The following IL1RAPL1 variants were observed in gnomAD, a reference collection of about 807,000 sequenced individuals.
IL1RAPL1 encodes interleukin 1 receptor accessory protein like 1.
In IL1RAPL1, 3 loss-of-function variants were observed where a neutral mutation model predicts 48.4. The observed-to-expected ratio is 0.06, with a 90% confidence interval of 0.03 to 0.16. The LOEUF (loss-of-function observed/expected upper bound fraction) is 0.16. Among genes scored for constraint, IL1RAPL1 ranks in the 10% least tolerant of loss-of-function variants. The pLI is 1.00. For missense variants in IL1RAPL1, 349 were observed against 530.6 expected (o/e 0.66, Z 3.36); for synonymous variants, 185 against 187.7 (o/e 0.99, Z 0.12).
At chrX:29,779,877 T>G (rs749103709) in intron 6 of IL1RAPL1, among the ~76,000 whole-genome samples, 6 of 111,520 alleles carry the variant, frequency 5.4e-5, no homozygotes, top group African/African-American at 6.5e-5. Flanking sequence ...TAAAGACATT[T>G]AGAATGCCTT....
intron 2 of IL1RAPL1, among the ~76,000 whole-genome samples, chrX:28,900,616 A>G (rs1923049388): frequency 1.8e-5 from 2 of 112,523 alleles, no homozygotes; most frequent in Non-Finnish European, 3.8e-5. Flanking sequence ...CAATGTTTTA[A>G]AAGTATCAAA....
At chrX:29,231,422 A>T (rs1185213634) in intron 2 of IL1RAPL1, among the ~76,000 whole-genome samples, 1 of 111,875 alleles carries the variant, frequency 8.9e-6, no homozygotes, top group East Asian at 2.8e-4. Context: ...TGGCAAATTA[A>T]CGACTGAGTG....
intron 5 of IL1RAPL1, among the ~76,000 whole-genome samples, chrX:29,455,967 C>T (rs191994992): frequency 9.0e-6 from 1 of 110,990 alleles, no homozygotes; most frequent in Non-Finnish European, 1.9e-5. Flanking sequence ...GCACATTATC[C>T]TTTGAAAGGC....
chrX:29,925,416 T>TTTTTTG (rs1932879428), intron 8 of IL1RAPL1, among the ~76,000 whole-genome samples: 1 of 17,744 alleles, frequency 5.6e-5, no homozygotes, highest in Non-Finnish European at 1.1e-4. Flanking sequence ...GTAACTGTTT[T>TTTTTTG]TTTTTTTTTT....
chrX:28,962,508 A>G (rs1924806111), intron 2 of IL1RAPL1, among the ~76,000 whole-genome samples: 1 of 111,486 alleles, frequency 9.0e-6, no homozygotes, highest in Non-Finnish European at 1.9e-5. Flanking sequence ...TCTCCCAAAA[A>G]TTACATTTGA....
At chrX:29,780,633 T>C (rs1929316642) in intron 6 of IL1RAPL1, among the ~76,000 whole-genome samples, 1 of 111,387 alleles carries the variant, frequency 9.0e-6, no homozygotes, top group African/African-American at 3.3e-5. Context: ...GGCAGCATAA[T>C]AGCTGAGCTA....
At chrX:28,981,056 A>ACTCCAGC (rs1925319837) in intron 2 of IL1RAPL1, among the ~76,000 whole-genome samples, 1 of 86,852 alleles carries the variant, frequency 1.2e-5, no homozygotes, top group Non-Finnish European at 2.1e-5. Context: ...GTGCCACTGC[A>ACTCCAGC]CTCCAGCCTG....
intron 2 of IL1RAPL1, among the ~76,000 whole-genome samples, chrX:29,025,820 G>A (rs952919506): frequency 9.0e-6 from 1 of 111,323 alleles, no homozygotes. Flanking sequence ...CTAAATTATG[G>A]AATAATAGCG....
At chrX:29,494,729 A>T (rs763821214) in intron 5 of IL1RAPL1, among the ~76,000 whole-genome samples, 1 of 112,339 alleles carries the variant, frequency 8.9e-6, no homozygotes, top group Non-Finnish European at 1.9e-5. Flanking sequence ...AGATAGCCAT[A>T]TGGCTCTAAA....
At chrX:29,228,332 A>AATGTGTGT (rs777963523) in intron 2 of IL1RAPL1, among the ~76,000 whole-genome samples, 5,263 of 79,421 alleles carry the variant, frequency 0.066, 268 homozygotes, top group African/African-American at 0.076. Context: ...AGTTTTGCCT[A>AATGTGTGT]GTGTGTGTGT....
intron 1 of IL1RAPL1, among the ~76,000 whole-genome samples, chrX:28,722,719 G>C (rs1935601832): frequency 9.0e-6 from 1 of 111,632 alleles, no homozygotes; most frequent in Non-Finnish European, 1.9e-5. Flanking sequence ...TATGATATTG[G>C]CTGTGGGTTT....
chrX:29,108,621 G>C (rs892900838), intron 2 of IL1RAPL1, among the ~76,000 whole-genome samples: 7 of 110,556 alleles, frequency 6.3e-5, no homozygotes, highest in African/African-American at 6.6e-5. Context: ...GGCTGGTCTC[G>C]AACTCCAGAC....
intron 2 of IL1RAPL1, among the ~76,000 whole-genome samples, chrX:28,897,303 C>T (rs1316148813): frequency 9.0e-6 from 1 of 111,460 alleles, no homozygotes; most frequent in Non-Finnish European, 1.9e-5. Flanking sequence ...GGCCAGAGAC[C>T]TCTGAAACGT....
intron 5 of IL1RAPL1, among the ~76,000 whole-genome samples, chrX:29,548,536 A>G (rs1022994834): frequency 8.9e-6 from 1 of 112,283 alleles, no homozygotes; most frequent in Non-Finnish European, 1.9e-5. Context: ...TAATATATGA[A>G]CATTTCTATA....
chrX:29,768,450 A>C (rs57409682), intron 6 of IL1RAPL1, among the ~76,000 whole-genome samples: 17,090 of 110,909 alleles, frequency 0.15, 1,413 homozygotes, highest in African/African-American at 0.31. Context: ...ACTGATAGAT[A>C]GCACACTTGA....
At chrX:29,343,998 A>T (rs1303830175) in intron 3 of IL1RAPL1, among the ~76,000 whole-genome samples, 2 of 112,531 alleles carry the variant, frequency 1.8e-5, no homozygotes, top group African/African-American at 6.5e-5. Context: ...CAAGTACAGT[A>T]TGAAAATTGA....
chrX:29,329,614 A>G (rs776309936), intron 3 of IL1RAPL1, among the ~76,000 whole-genome samples: 1 of 110,629 alleles, frequency 9.0e-6, no homozygotes, highest in South Asian at 3.9e-4. Context: ...GGAGTTTGAG[A>G]CCAGCCTGGC....
At chrX:29,796,193 C>A (rs1929738711) in intron 6 of IL1RAPL1, among the ~76,000 whole-genome samples, 1 of 112,139 alleles carries the variant, frequency 8.9e-6, no homozygotes, top group African/African-American at 3.2e-5. Context: ...TCCATAATAT[C>A]TCTTTTAAGG....
At chrX:29,651,551 G>A (rs956781413) in intron 5 of IL1RAPL1, among the ~76,000 whole-genome samples, 6 of 111,635 alleles carry the variant, frequency 5.4e-5, no homozygotes, top group African/African-American at 1.6e-4. Flanking sequence ...TCACACTGAC[G>A]TATGGAATCT....
Sources: gnomAD v4.1 joint callset for allele counts (sites outside exome capture counted in the v4.1 genomes callset) on GRCh38, gnomAD v4.1.1 for gene constraint, MANE v1.5 for transcripts, NCBI Gene and HGNC (gene_info 2026-07-23, HGNC 2026-07-21) for gene names.